Variants in HECW1 observed in about 807,000 individuals in gnomAD.
The protein encoded by HECW1 is HECT, C2 and WW domain containing E3 ubiquitin protein ligase 1, also known as E3 ubiquitin-protein ligase HECW1.
HECW1 carries 61 observed loss-of-function variants against 182.3 expected under a neutral mutation model. That is an observed-to-expected ratio of 0.33 (90% CI 0.27 to 0.41). The LOEUF is 0.41. Among genes scored for constraint, HECW1 ranks in the 10% least tolerant of loss-of-function variants. HECW1 has a pLI of 1.00. For missense variants in HECW1, 1,739 were observed against 2,108.9 expected (o/e 0.82, Z 3.44); for synonymous variants, 859 against 832.6 (o/e 1.03, Z -0.55).
intron 3 of HECW1, among the ~76,000 whole-genome samples, chr7:43,263,990 A>G (rs1205218651): frequency 1.3e-5 from 2 of 152,218 alleles, no homozygotes; most frequent in Non-Finnish European, 2.9e-5. Flanking sequence ...CAACAAATAT[A>G]TATTTGCGGG....
At chr7:43,303,025 T>C (rs1376587763) in intron 3 of HECW1, among the ~76,000 whole-genome samples, 2 of 151,954 alleles carry the variant, frequency 1.3e-5, no homozygotes, top group Non-Finnish European at 2.9e-5. Context: ...TGCTAAATAT[T>C]ATGAACAGGA....
Position 43,361,053 on chromosome 7 carries a change from C to A in HECW1, c.555+73C>A. The A allele has an allele frequency of 1.2e-6, 1 of 810,924 alleles. No homozygotes were observed. The highest frequency in any genetic ancestry group is 1.9e-6 in the Non-Finnish European group (1 of 518,242). 50.2% of individuals were successfully genotyped at this position (810,924 alleles called of 1,614,324 possible). ...TTCACTTTCCTATTTTGTTCTTGTG[C>A]GTGCGTGTGTGTGTGTGTGTGTGTG... On this transcript the variant is annotated intron_variant, in intron 6 of 29. Transcript: ENST00000395891.
intron 2 of HECW1, among the ~76,000 whole-genome samples, chr7:43,163,561 T>A (rs376113794): frequency 6.6e-6 from 1 of 152,154 alleles, no homozygotes; most frequent in Non-Finnish European, 1.5e-5. Flanking sequence ...ATGCCAGTTA[T>A]CCAGGGAGCT....
chr7:43,210,948 G>T (rs1562680000), intron 2 of HECW1, among the ~76,000 whole-genome samples: 1 of 152,198 alleles, frequency 6.6e-6, no homozygotes, highest in African/African-American at 2.4e-5. Flanking sequence ...TGAAAACAGA[G>T]CTCCCATACA....
intron 9 of HECW1, among the ~76,000 whole-genome samples, chr7:43,441,719 C>T (rs1171973203): frequency 1.3e-5 from 2 of 152,216 alleles, no homozygotes. Context: ...ACAAGCATGG[C>T]CGTGCTCCAA....
chr7:43,262,177 C>A (rs1054271736), intron 3 of HECW1, among the ~76,000 whole-genome samples: 32 of 151,990 alleles, frequency 2.1e-4, no homozygotes, highest in African/African-American at 7.7e-4. Flanking sequence ...GCTGAGATTG[C>A]GCCACTACAC....
At chr7:43,116,137 C>T (rs775283568) in intron 2 of HECW1, among the ~76,000 whole-genome samples, 5 of 152,072 alleles carry the variant, frequency 3.3e-5, no homozygotes, top group East Asian at 1.9e-4. Context: ...AACCGAGAGC[C>T]AGGACTCAAA....
intron 5 of HECW1, among the ~76,000 whole-genome samples, chr7:43,324,530 A>G (rs1409459059): frequency 6.6e-6 from 1 of 152,186 alleles, no homozygotes; most frequent in African/African-American, 2.4e-5. Context: ...TCATATGGCT[A>G]TCCTTCCCTA....
chr7:43,548,623 TAGA>T (rs2081663407), intron 26 of HECW1, among the ~76,000 whole-genome samples: 1 of 152,206 alleles, frequency 6.6e-6, no homozygotes, highest in African/African-American at 2.4e-5. Flanking sequence ...TTGAAATTAA[TAGA>T]AGCTTTTTTT....
Position 43,541,159 on chromosome 7 carries a change from C to G in HECW1, c.4020-4C>G. ...CCGATTTCTCTGCCTTGTCTGTGTT[C>G]CAGGTTCAGGTTTAGCGGTCGCATC... is the stretch of plus-strand genomic sequence containing the variant. On this transcript the variant is annotated splice_polypyrimidine_tract_variant and splice_region_variant and intron_variant, in intron 24 of 29. Coordinates refer to ENST00000395891, the MANE Select transcript of HECW1 (RefSeq NM_015052.5). The G allele has an allele frequency of 6.2e-7, 1 of 1,611,682 alleles. No homozygotes were observed. Among genetic ancestry groups the G allele is most frequent in the South Asian group, 1.1e-5 (1 of 91,010 alleles).
chr7:43,173,153 A>T (rs1791855093), intron 2 of HECW1, among the ~76,000 whole-genome samples: 1 of 152,252 alleles, frequency 6.6e-6, no homozygotes, highest in Admixed American at 6.5e-5. Flanking sequence ...TAAAACAAAG[A>T]TAACAGATCC....
chr7:43,359,683 C>T lies in HECW1; in HGVS notation c.461-1203C>T, dbSNP rs571078525. On this transcript the variant is annotated intron_variant, in intron 5 of 29. Transcript: ENST00000395891. ...TTCATTTATACTTATCTTCATTTTTCGTATTTTCCATTCTGAGCACATTTC... is the reference window on the plus strand; with the variant it reads ...TTCATTTATACTTATCTTCATTTTTTGTATTTTCCATTCTGAGCACATTTC... Among the ~76,000 whole-genome samples the T allele has an allele frequency of 1.1e-4, 17 of 152,134 alleles. No homozygotes were observed. The South Asian group carries it at 3.5e-3, about 32-fold the overall frequency.
At chr7:43,441,542 CTTT>C (rs909158972) in intron 9 of HECW1, among the ~76,000 whole-genome samples, 2 of 132,746 alleles carry the variant, frequency 1.5e-5, no homozygotes, top group African/African-American at 5.2e-5. Flanking sequence ...ACATCCGTGT[CTTT>C]TTTTATTCTC....
At chr7:43,143,378 G>T (rs1300123470) in intron 2 of HECW1, among the ~76,000 whole-genome samples, 2 of 152,048 alleles carry the variant, frequency 1.3e-5, no homozygotes, top group Non-Finnish European at 2.9e-5. Context: ...CAACTTCCTG[G>T]GTTCAAGCAA....
At chr7:43,113,197 C>T (rs1235200277) in intron 1 of HECW1, among the ~76,000 whole-genome samples, 3 of 152,132 alleles carry the variant, frequency 2.0e-5, no homozygotes, top group South Asian at 2.1e-4. Flanking sequence ...CTGCGGGGTA[C>T]GGAGAGAAAC....
chr7:43,268,998 T>C (rs1005261662), intron 3 of HECW1, among the ~76,000 whole-genome samples: 1 of 152,158 alleles, frequency 6.6e-6, no homozygotes, highest in Non-Finnish European at 1.5e-5. Context: ...CCTAGGCTTA[T>C]GTTCATTTTT....
At chr7:43,247,159 A>G (rs1799449634) in intron 3 of HECW1, among the ~76,000 whole-genome samples, 1 of 152,222 alleles carries the variant, frequency 6.6e-6, no homozygotes, top group African/African-American at 2.4e-5. Flanking sequence ...CTCTGTTTTG[A>G]CTACAATGCC....
At chr7:43,198,753 A>G (rs915018359) in intron 2 of HECW1, among the ~76,000 whole-genome samples, 3 of 149,030 alleles carry the variant, frequency 2.0e-5, no homozygotes, top group Non-Finnish European at 4.5e-5. Flanking sequence ...CTCACACACT[A>G]TAGATTTGCA....
chr7:43,457,679 G>A (rs549473404), intron 13 of HECW1, among the ~76,000 whole-genome samples: 133 of 151,918 alleles, frequency 8.8e-4, no homozygotes, highest in Admixed American at 3.1e-3. Context: ...GGAGGCTGAG[G>A]CAGGAGAATC....
Sources: allele counts gnomAD v4.1 joint callset (sites outside exome capture counted in the v4.1 genomes callset), GRCh38; gene constraint gnomAD v4.1.1; transcripts MANE v1.5; gene names NCBI Gene and HGNC (gene_info 2026-07-23, HGNC 2026-07-21).